The following CSMD3 variants were observed in gnomAD, a reference collection of about 807,000 sequenced individuals.
CSMD3 encodes the protein CUB and Sushi multiple domains 3.
Under a neutral mutation model 435.2 loss-of-function variants are expected in CSMD3, and 177 were observed. The observed-to-expected ratio is 0.41, with a 90% CI of 0.36 to 0.46. The LOEUF (loss-of-function observed/expected upper bound fraction) is 0.46. CSMD3 is among the 20% of genes least tolerant of loss of function. The probability of loss-of-function intolerance (pLI) is 0.34; values close to 1 mark genes in which losing one functional copy is unlikely to be tolerated. For synonymous variants in CSMD3, 1,656 were observed against 1,520.5 expected (o/e 1.09, Z -2.07); for missense variants, 4,265 against 4,504.6 (o/e 0.95, Z 1.52).
rs538775869 is a variant in CSMD3, at chr8:112,454,724, C to T, written c.5395+17867G>A. ...AAAAATACCTAGATAGGCACAGTGG[C>T]TCATTCCTGTAATTTCAACACTTTG... On this transcript the variant is annotated intron_variant, in intron 32 of 70. Transcript: ENST00000297405. 1.0e-3 allele frequency among the ~76,000 whole-genome samples: 153 copies of T among 152,206 alleles called. 2 individuals carry two copies. The highest frequency in any genetic ancestry group is 9.1e-3 in the South Asian group (44 of 4,822).
intron 40 of CSMD3, among the ~76,000 whole-genome samples, chr8:112,350,588 A>T (rs944854588): frequency 6.6e-5 from 10 of 152,170 alleles, no homozygotes; most frequent in Admixed American, 1.3e-4. Flanking sequence ...TTTACAGCCC[A>T]GTATATTAAT....
chr8:112,458,124 AAG>A (rs1817025582), intron 32 of CSMD3, among the ~76,000 whole-genome samples: 1 of 151,894 alleles, frequency 6.6e-6, no homozygotes, highest in Non-Finnish European at 1.5e-5. Flanking sequence ...TTTGATCACA[AAG>A]AGATGACATA....
rs2090244077 is a variant in CSMD3 at position 113,098,850 on chromosome 8, G to A, written c.823C>T (p.Pro275Ser). 6.2e-7 allele frequency: 1 copy of A among 1,612,094 alleles called. No homozygotes were observed. The highest frequency in any genetic ancestry group is 8.5e-7 in the Non-Finnish European group (1 of 1,178,498). ...ADCTWTIVAE[P>S]GDTISLIFTD... is the part of the protein sequence containing the mutation. Reference sequence around the variant, plus strand: ...AATATGAGTGAAATTGTGTCCCCAGGCTCTGCTACAATGGTCCAAGTGCAA... The same window carrying A: ...AATATGAGTGAAATTGTGTCCCCAGACTCTGCTACAATGGTCCAAGTGCAA... The change falls in exon 5 of 71, where the codon CCT becomes TCT. Residue 275 changes from proline (P) to serine (S), a missense_variant. Pro to Ser is a moderately conservative substitution (Grantham distance 74). Coordinates refer to ENST00000297405, the MANE Select transcript of CSMD3 (RefSeq NM_198123.2).
chr8:112,557,500 A>G (rs1387364934), intron 24 of CSMD3, among the ~76,000 whole-genome samples: 2 of 152,006 alleles, frequency 1.3e-5, no homozygotes, highest in East Asian at 3.9e-4. Context: ...TGCCGTCCCC[A>G]TGGCCGGGTC....
At chr8:112,306,388 T>C (rs1821423036) in intron 50 of CSMD3, among the ~76,000 whole-genome samples, 196 bp from the exon 51 acceptor site, 1 of 152,180 alleles carries the variant, frequency 6.6e-6, no homozygotes, top group South Asian at 2.1e-4. Context: ...TTTAGCAATG[T>C]TTATAAATTG....
At chr8:112,980,569 T>C (rs556517644) in intron 6 of CSMD3, among the ~76,000 whole-genome samples, 88 of 151,622 alleles carry the variant, frequency 5.8e-4, no homozygotes, top group African/African-American at 2.1e-3. Flanking sequence ...CGACTAATTC[T>C]ATTCAAGCCA....
chr8:112,274,322 T>A (rs1371755829), intron 59 of CSMD3, among the ~76,000 whole-genome samples: 2 of 152,202 alleles, frequency 1.3e-5, no homozygotes, highest in African/African-American at 2.4e-5. Context: ...AATCCCCTGA[T>A]TGCCTCATCT....
chr8:113,320,087 A>G (rs1022174061), intron 1 of CSMD3, among the ~76,000 whole-genome samples: 3 of 152,060 alleles, frequency 2.0e-5, no homozygotes, highest in African/African-American at 7.2e-5. Flanking sequence ...CAAAATACAG[A>G]AAGTATTATG....
chr8:112,572,357 A>G (rs1563718605), intron 24 of CSMD3, among the ~76,000 whole-genome samples: 1 of 152,110 alleles, frequency 6.6e-6, no homozygotes. Flanking sequence ...AGGTAGAAAG[A>G]AAAGCACTGA....
Position 112,517,034 on chromosome 8 carries a change from C to T in CSMD3, c.4756G>A (p.Ala1586Thr), listed in dbSNP as rs2130987014. 1.2e-6 allele frequency: 2 copies of T among 1,608,844 alleles called. No individual in the cohort carries two copies. The highest frequency in any genetic ancestry group is 1.7e-6 in the Non-Finnish European group (2 of 1,175,812). The change falls in exon 28 of 71, where the codon GCA (alanine) becomes ACA (threonine). Residue 1586 changes from alanine to threonine, a missense_variant and splice_region_variant. Ala to Thr is a moderately conservative substitution (Grantham distance 58). Coordinates refer to ENST00000297405, the MANE Select transcript of CSMD3 (RefSeq NM_198123.2). ...ATTTTAATTGTTCTTTAATTCATAC[C>T]TATACAGACTGGTGGGCTGGGCTGC... ...FWQPSPPVCIAPCGGNLTGSS... is the reference protein window; with the variant it reads ...FWQPSPPVCITPCGGNLTGSS...
intron 14 of CSMD3, among the ~76,000 whole-genome samples, chr8:112,688,450 A>G (rs1481572297): frequency 6.6e-6 from 1 of 152,156 alleles, no homozygotes; most frequent in African/African-American, 2.4e-5. Context: ...GCTATATGTC[A>G]ATACAATACG....
At chr8:113,297,046 G>A (rs2093728068) in intron 2 of CSMD3, among the ~76,000 whole-genome samples, 1 of 152,070 alleles carries the variant, frequency 6.6e-6, no homozygotes, top group Admixed American at 6.6e-5. Flanking sequence ...CTTGTATGCT[G>A]TAAGAAAAGT....
At chr8:113,036,224 G>A (rs549125165) in intron 5 of CSMD3, among the ~76,000 whole-genome samples, 19 of 151,916 alleles carry the variant, frequency 1.3e-4, no homozygotes, top group African/African-American at 3.9e-4. Flanking sequence ...TAAAGAACAT[G>A]GTAAATGTTG....
chr8:112,520,079 C>T (rs530971689), intron 27 of CSMD3, among the ~76,000 whole-genome samples: 34 of 151,964 alleles, frequency 2.2e-4, no homozygotes, highest in Non-Finnish European at 4.4e-4. Context: ...AATATTTGCA[C>T]CGATGTCAAC....
chr8:112,596,783 A>C (rs1400007348), intron 22 of CSMD3, among the ~76,000 whole-genome samples: 1 of 152,200 alleles, frequency 6.6e-6, no homozygotes, highest in Non-Finnish European at 1.5e-5. Flanking sequence ...ACATAATGAA[A>C]TGAAGGCAGA....
chr8:113,276,933 T>C (rs2093575640), intron 3 of CSMD3, among the ~76,000 whole-genome samples: 1 of 152,038 alleles, frequency 6.6e-6, no homozygotes, highest in Non-Finnish European at 1.5e-5. Flanking sequence ...TTTAGTGTGG[T>C]ATATGTAGAA....
intron 13 of CSMD3, among the ~76,000 whole-genome samples, chr8:112,726,442 T>C (rs911134458): frequency 6.6e-5 from 10 of 151,874 alleles, no homozygotes; most frequent in African/African-American, 1.9e-4. Context: ...ACTTGGCAAG[T>C]AGTAAAGATA....
chr8:113,361,005 T>C (rs1447319575), intron 1 of CSMD3, among the ~76,000 whole-genome samples: 1 of 152,170 alleles, frequency 6.6e-6, no homozygotes, highest in Non-Finnish European at 1.5e-5. Flanking sequence ...AGTGACTGAA[T>C]AGTTTTAAGC....
At chr8:113,357,727 G>T (rs1450925701) in intron 1 of CSMD3, among the ~76,000 whole-genome samples, 1 of 152,170 alleles carries the variant, frequency 6.6e-6, no homozygotes, top group African/African-American at 2.4e-5. Flanking sequence ...ACTGGATCAT[G>T]GGGGCAGATT....
Sources: gnomAD v4.1 joint callset for allele counts (sites outside exome capture counted in the v4.1 genomes callset) on GRCh38, gnomAD v4.1.1 for gene constraint, MANE v1.5 for transcripts, NCBI Gene and HGNC (gene_info 2026-07-23, HGNC 2026-07-21) for gene names.